NRP1: variants seen among roughly 807,000 people sequenced by gnomAD.
The protein encoded by NRP1 is neuropilin 1, also known as neuropilin-1.
A neutral mutation model predicts 106.7 loss-of-function variants in NRP1; 35 were observed. That is an observed-to-expected ratio of 0.33 (90% CI 0.25 to 0.43). The LOEUF (loss-of-function observed/expected upper bound fraction) is 0.43. Among genes scored for constraint, NRP1 ranks in the 20% least tolerant of loss-of-function variants. The pLI is 1.00. For synonymous variants in NRP1, 437 were observed against 417.9 expected, an observed-to-expected ratio of 1.05 and a Z score of -0.56; for missense variants, 1,024 against 1,170.4, an observed-to-expected ratio of 0.87 and a Z score of 1.83.
chr10:33,249,328 T>C, intron 6 of NRP1: 1 of 398,796 alleles, frequency 2.5e-6, no homozygotes, highest in Non-Finnish European at 4.9e-6. Context: ...GTACACTGTG[T>C]ACTTAGTTTG....
At chr10:33,250,425 A>G (rs1841770701) in intron 6 of NRP1, among the ~76,000 whole-genome samples, 1 of 152,184 alleles carries the variant, frequency 6.6e-6, no homozygotes, top group African/African-American at 2.4e-5. Flanking sequence ...GTGAACCTGA[A>G]GCTAAGCTTT....
chr10:33,272,534 A>AAGG lies in NRP1; in HGVS notation c.249-1681_249-1679dup, dbSNP rs574016160. On this transcript the variant is annotated intron_variant, in intron 2 of 16. Transcript: ENST00000374867. ...GAGGAGGAGGGGAGGCAAGGAGGAA[A>AAGG]AGGAGGAGGAGGAGGAGGAAGAAGA... Among the ~76,000 whole-genome samples the AAGG allele has an allele frequency of 1.3e-4, 20 of 151,986 alleles. No homozygotes were observed. The South Asian group carries it at 1.9e-3, about 14-fold the overall frequency.
intron 2 of NRP1, among the ~76,000 whole-genome samples, chr10:33,280,831 A>G (rs1844067804): frequency 6.6e-6 from 1 of 151,808 alleles, no homozygotes; most frequent in African/African-American, 2.4e-5. Flanking sequence ...AAAATACAAA[A>G]ATTAGTTGGG....
In NRP1 at chr10:33,177,618, G is replaced by A. The variant is rs1172360395; in HGVS notation, c.*2458C>T. On this transcript the variant is annotated 3_prime_UTR_variant, in exon 17 of 17. Coordinates refer to ENST00000374867, the MANE Select transcript of NRP1 (RefSeq NM_003873.7). ...CTACTCAGTGTCTGAGAATACAAAT[G>A]TCATTTAAAGTTAAGGCTTCGCTGT... The A allele has an allele frequency of 6.6e-6, 1 of 152,578 alleles. No individual in the cohort carries two copies. The highest frequency in any genetic ancestry group is 1.5e-5 in the Non-Finnish European group (1 of 68,022). 9.5% of individuals were successfully genotyped at this position (152,578 alleles called of 1,614,324 possible). A position where few individuals can be genotyped will look rare whatever the true frequency, so the allele number is the denominator to read the frequency against.
At chr10:33,272,179 T>C (rs190576870) in intron 2 of NRP1, among the ~76,000 whole-genome samples, 28 of 152,322 alleles carry the variant, frequency 1.8e-4, no homozygotes, top group Non-Finnish European at 3.5e-4. Flanking sequence ...GCAACGATGC[T>C]ATCACTAGTA....
chr10:33,200,588 T>C (rs11009284), intron 11 of NRP1, among the ~76,000 whole-genome samples: 36,031 of 152,118 alleles, frequency 0.24, 4,889 homozygotes, highest in East Asian at 0.6. Flanking sequence ...TTCTACCTAT[T>C]AGGGTTAAAG....
chr10:33,297,926 AAT>A (rs1481187466), intron 2 of NRP1, among the ~76,000 whole-genome samples: 1 of 151,918 alleles, frequency 6.6e-6, no homozygotes, highest in Non-Finnish European at 1.5e-5. Flanking sequence ...AGAAAAAAAA[AAT>A]CCCCTGGAAT....
intron 2 of NRP1, among the ~76,000 whole-genome samples, chr10:33,312,196 T>C (rs1846653898): frequency 6.6e-6 from 1 of 152,210 alleles, no homozygotes; most frequent in Admixed American, 6.5e-5. Context: ...CTGTCTGTAA[T>C]TGAATCATTA....
intron 7 of NRP1, among the ~76,000 whole-genome samples, chr10:33,223,364 T>C (rs1179364261): frequency 6.6e-6 from 1 of 151,994 alleles, no homozygotes; most frequent in African/African-American, 2.4e-5. Flanking sequence ...CTCATGCCAG[T>C]AATTCCAAAA....
intron 10 of NRP1, among the ~76,000 whole-genome samples, chr10:33,206,647 G>T (rs1299565075): frequency 2.6e-5 from 4 of 152,202 alleles, no homozygotes; most frequent in African/African-American, 9.6e-5. Context: ...TATATGCTCG[G>T]TTGATTAACA....
chr10:33,237,923 C>T (rs1840711551), intron 6 of NRP1, among the ~76,000 whole-genome samples: 1 of 152,016 alleles, frequency 6.6e-6, no homozygotes, highest in Non-Finnish European at 1.5e-5. Flanking sequence ...AGTGTCCTCT[C>T]CCACTGCAAA....
At chr10:33,333,393 C>G (rs1848420444) in intron 1 of NRP1, among the ~76,000 whole-genome samples, 1 of 152,152 alleles carries the variant, frequency 6.6e-6, no homozygotes, top group Admixed American at 6.5e-5. Context: ...TGGTATGAGG[C>G]CCTCCACTTG....
At chr10:33,302,745 T>C (rs1011281618) in intron 2 of NRP1, among the ~76,000 whole-genome samples, 1 of 152,074 alleles carries the variant, frequency 6.6e-6, no homozygotes, top group Non-Finnish European at 1.5e-5. Context: ...CAGTTCAGAA[T>C]ATGAAAGAGG....
At chr10:33,184,494 T>C (rs1835884333) in intron 15 of NRP1, among the ~76,000 whole-genome samples, 1 of 152,234 alleles carries the variant, frequency 6.6e-6, no homozygotes. Flanking sequence ...ATCATCACTC[T>C]CACTTTGGAA....
chr10:33,197,010 A>G (rs1836834201), intron 12 of NRP1, among the ~76,000 whole-genome samples: 1 of 152,150 alleles, frequency 6.6e-6, no homozygotes, highest in Admixed American at 6.5e-5. Flanking sequence ...ATTTCACAGG[A>G]TACTAACAAA....
At position 33,282,197 on chromosome 10, in the gene NRP1, G is replaced by A. The variant is rs577646464; in HGVS notation, c.249-11341C>T. ...ATGTACCCAACCGATTTAATGAAGT[G>A]CAGTTGGATTAGTGCTATTAGCGTG... On this transcript the variant is annotated intron_variant, in intron 2 of 16. Coordinates refer to ENST00000374867, the MANE Select transcript of NRP1 (RefSeq NM_003873.7). Among the ~76,000 whole-genome samples, 7 of 151,852 alleles carry A rather than the reference G, an allele frequency of 4.6e-5. No homozygotes were observed. The South Asian group carries it at 1.5e-3, about 32-fold the overall frequency.
intron 2 of NRP1, among the ~76,000 whole-genome samples, chr10:33,295,915 G>A (rs1845353303): frequency 6.6e-6 from 1 of 152,162 alleles, no homozygotes. Flanking sequence ...TAAAGTGCAA[G>A]TACGTTCTAC....
At chr10:33,258,325 C>T (rs1391207087) in intron 4 of NRP1, among the ~76,000 whole-genome samples, 7 of 152,158 alleles carry the variant, frequency 4.6e-5, no homozygotes, top group African/African-American at 1.4e-4. Context: ...TTTGAGTTAG[C>T]GCAACAATGG....
At chr10:33,209,687 G>C (rs886919229) in intron 9 of NRP1, among the ~76,000 whole-genome samples, 1 of 152,162 alleles carries the variant, frequency 6.6e-6, no homozygotes. Flanking sequence ...ATGTTGGCCA[G>C]GCTGGTCTCA....
Sources: gnomAD v4.1 joint callset for allele counts (sites outside exome capture counted in the v4.1 genomes callset) on GRCh38, gnomAD v4.1.1 for gene constraint, MANE v1.5 for transcripts, NCBI Gene and HGNC (gene_info 2026-07-23, HGNC 2026-07-21) for gene names.